PPFIA2: variants seen among roughly 807,000 people sequenced by gnomAD.
The protein encoded by PPFIA2 is PPFI scaffold protein A2.
In PPFIA2, 46 loss-of-function variants were observed where a neutral mutation model predicts 175.5. The ratio of observed to expected loss-of-function variants is 0.26; its 90% CI spans 0.21 to 0.34. The LOEUF (loss-of-function observed/expected upper bound fraction) is 0.34, where lower values mean the gene tolerates loss of function less well. Ranked by LOEUF, PPFIA2 falls within the 10% of genes least tolerant of loss-of-function variation. The pLI is 1.00. For missense variants in PPFIA2, 1,179 were observed against 1,506.1 expected, an observed-to-expected ratio of 0.78 and a Z score of 3.60; for synonymous variants, 568 against 511.4, an observed-to-expected ratio of 1.11 and a Z score of -1.49.
chr12:81,476,890 G>A (rs1360360750), intron 4 of PPFIA2, among the ~76,000 whole-genome samples: 2 of 152,128 alleles, frequency 1.3e-5, no homozygotes, highest in African/African-American at 4.8e-5. Flanking sequence ...AAAAAGGAAC[G>A]AGATCATGTC....
chr12:81,654,886 T>C (rs1262178580), intron 4 of PPFIA2, among the ~76,000 whole-genome samples: 17 of 152,148 alleles, frequency 1.1e-4, no homozygotes, highest in Admixed American at 1.1e-3. Context: ...TTTTAATAGG[T>C]GGTATAATTC....
chr12:81,719,923 C>T (rs968964371), intron 3 of PPFIA2, among the ~76,000 whole-genome samples: 34 of 151,234 alleles, frequency 2.2e-4, no homozygotes, highest in African/African-American at 7.5e-4. Flanking sequence ...ATTCCATTTG[C>T]TTACAGTTAA....
At chr12:81,302,619 C>G in intron 22 of PPFIA2, 1 of 434,240 alleles carries the variant, frequency 2.3e-6, no homozygotes, top group Non-Finnish European at 4.6e-6. Flanking sequence ...TGTGGAAAAA[C>G]GGATCAGATG....
intron 4 of PPFIA2, among the ~76,000 whole-genome samples, chr12:81,556,746 A>C (rs1159798684): frequency 6.6e-6 from 1 of 151,902 alleles, no homozygotes; most frequent in Non-Finnish European, 1.5e-5. Context: ...AATTTAAGAG[A>C]GAAATTCCAC....
chr12:81,433,900 C>A (rs1263497613), intron 7 of PPFIA2, among the ~76,000 whole-genome samples: 2 of 152,046 alleles, frequency 1.3e-5, no homozygotes, highest in African/African-American at 4.8e-5. Context: ...AAGTAATGAG[C>A]TTTAGCCATT....
At chr12:81,318,076 G>T (rs1339020574) in intron 22 of PPFIA2, among the ~76,000 whole-genome samples, 1 of 151,542 alleles carries the variant, frequency 6.6e-6, no homozygotes, top group Non-Finnish European at 1.5e-5. Context: ...CTGGCCTAAG[G>T]TCTTATCACA....
At chr12:81,412,335 C>CAA (rs35342063) in intron 7 of PPFIA2, among the ~76,000 whole-genome samples, 21 of 96,148 alleles carry the variant, frequency 2.2e-4, no homozygotes, top group South Asian at 1.1e-3. Context: ...GTTAAGGAGG[C>CAA]AAAAAAAAAA....
At chr12:81,451,170 T>C (rs755682485) in intron 5 of PPFIA2, among the ~76,000 whole-genome samples, 4 of 151,724 alleles carry the variant, frequency 2.6e-5, no homozygotes, top group Non-Finnish European at 5.9e-5. Context: ...TGTGTGTGAA[T>C]ATATATATAT....
intron 22 of PPFIA2, among the ~76,000 whole-genome samples, chr12:81,300,765 T>A (rs2047624669): frequency 6.6e-6 from 1 of 152,130 alleles, no homozygotes; most frequent in Non-Finnish European, 1.5e-5. Flanking sequence ...ATTCCTTTAG[T>A]GAAAACCAGT....
At chr12:81,474,689 T>C (rs952057100) in intron 4 of PPFIA2, among the ~76,000 whole-genome samples, 1 of 152,226 alleles carries the variant, frequency 6.6e-6, no homozygotes, top group African/African-American at 2.4e-5. Flanking sequence ...TGCTGTGAAA[T>C]ATAATTATTA....
intron 22 of PPFIA2, among the ~76,000 whole-genome samples, chr12:81,309,875 A>G (rs959829601): frequency 6.6e-6 from 1 of 152,080 alleles, no homozygotes; most frequent in Non-Finnish European, 1.5e-5. Context: ...ACACACACAC[A>G]CATACACACA....
At chr12:81,275,505 C>T (rs7960826) in intron 28 of PPFIA2, among the ~76,000 whole-genome samples, 65,237 of 151,902 alleles carry the variant, frequency 0.43, 14,884 homozygotes, top group Non-Finnish European at 0.52. Context: ...TAAAAAAAAT[C>T]TTAAGAATAA....
At chr12:81,599,388 A>G (rs1002267522) in intron 4 of PPFIA2, among the ~76,000 whole-genome samples, 1 of 152,006 alleles carries the variant, frequency 6.6e-6, no homozygotes, top group Non-Finnish European at 1.5e-5. Flanking sequence ...GATGCAGAAA[A>G]GTGATCCTCA....
In PPFIA2 at chr12:81,258,451, A is replaced by T. The variant is rs2034423077; in HGVS notation, c.*1243T>A. The T allele has an allele frequency of 6.6e-6, 1 of 152,156 alleles. No homozygotes were observed. Among genetic ancestry groups the T allele is most frequent in the African/African-American group, 2.4e-5 (1 of 41,460 alleles). The allele number at this position is 152,156 out of a possible 1,614,324, so 9.4% of individuals were successfully genotyped here. On this transcript the variant is annotated 3_prime_UTR_variant, in exon 33 of 33. Transcript: ENST00000549396. ...GCTTAATAAGATCAAGCAGCAGAAA[A>T]TCAGCAGTTAGATAAATGGTATTAT... is the stretch of plus-strand genomic sequence containing the variant.
At chr12:81,284,132 T>C in intron 25 of PPFIA2, 109 bp downstream of exon 25, 2 of 847,868 alleles carry the variant, frequency 2.4e-6, no homozygotes, top group South Asian at 1.5e-5. Flanking sequence ...TGCATGTAAC[T>C]ATAAAAACAC....
chr12:81,558,879 T>C (rs1412733890), intron 4 of PPFIA2, among the ~76,000 whole-genome samples: 2 of 152,170 alleles, frequency 1.3e-5, no homozygotes, highest in African/African-American at 4.8e-5. Context: ...ATTAGTGTCA[T>C]TTCTAGAAGA....
intron 7 of PPFIA2, among the ~76,000 whole-genome samples, chr12:81,409,363 G>C (rs965455305): frequency 3.3e-5 from 5 of 152,130 alleles, no homozygotes; most frequent in Non-Finnish European, 4.4e-5. Context: ...CTTTGTAATG[G>C]TATTAAGAGG....
intron 22 of PPFIA2, among the ~76,000 whole-genome samples, chr12:81,318,475 C>A (rs942389334): frequency 6.6e-6 from 1 of 151,702 alleles, no homozygotes; most frequent in African/African-American, 2.4e-5. Flanking sequence ...CTAAAGCTGG[C>A]TGCAGTATTA....
chr12:81,263,435 A>G, intron 30 of PPFIA2, 45 bp from the exon 31 acceptor site: 1 of 1,535,438 alleles, frequency 6.5e-7, no homozygotes, highest in South Asian at 1.1e-5. Context: ...CAAGTAAACT[A>G]GTCCATGTGC....
Sources: gnomAD v4.1 joint callset for allele counts (sites outside exome capture counted in the v4.1 genomes callset) on GRCh38, gnomAD v4.1.1 for gene constraint, MANE v1.5 for transcripts, NCBI Gene and HGNC (gene_info 2026-07-23, HGNC 2026-07-21) for gene names.